The following SLCO3A1 variants were observed in gnomAD, a reference collection of about 807,000 sequenced individuals.
SLCO3A1 encodes solute carrier organic anion transporter family member 3A1.
In SLCO3A1, 27 loss-of-function variants were observed where a neutral mutation model predicts 63.1. That is an observed-to-expected ratio of 0.43 (90% CI 0.32 to 0.59). The LOEUF is 0.59. SLCO3A1 is among the 20% of genes least tolerant of loss of function. SLCO3A1 has a pLI of 0.09. For missense variants in SLCO3A1, 773 were observed against 945.8 expected (o/e 0.82, Z 2.40); for synonymous variants, 473 against 409.9 (o/e 1.15, Z -1.86).
intron 2 of SLCO3A1, among the ~76,000 whole-genome samples, chr15:91,988,802 A>G (rs2046088277): frequency 6.6e-6 from 1 of 152,220 alleles, no homozygotes; most frequent in South Asian, 2.1e-4. Context: ...TCATATATGC[A>G]CACAACAGCT....
chr15:92,027,284 T>C (rs2046586875), intron 2 of SLCO3A1, among the ~76,000 whole-genome samples: 1 of 152,260 alleles, frequency 6.6e-6, no homozygotes, highest in South Asian at 2.1e-4. Flanking sequence ...GTTCTTTTAA[T>C]ATCCTTGTGA....
At chr15:92,144,725 C>A (rs2048197705) in intron 7 of SLCO3A1, among the ~76,000 whole-genome samples, 1 of 152,232 alleles carries the variant, frequency 6.6e-6, no homozygotes, top group Non-Finnish European at 1.5e-5. Context: ...CCCGTCCTTG[C>A]AGGAAAGCGA....
chr15:91,977,770 A>G (rs1341884274), intron 2 of SLCO3A1, among the ~76,000 whole-genome samples: 2 of 152,236 alleles, frequency 1.3e-5, no homozygotes, highest in South Asian at 2.1e-4. Context: ...ATTTTGGACA[A>G]TAGCGTCCTA....
At position 92,026,681 on chromosome 15, in the gene SLCO3A1, A is replaced by G. The variant is rs4984340; in HGVS notation, c.647-68200A>G. The stretch of plus-strand genomic sequence containing the variant: ...AGCTATGCAGGACAAGGAAAGAGAC[A>G]TGTACAAAGGAGGTGGCCATGACCG... On this transcript the variant is annotated intron_variant, in intron 2 of 9. Transcript: ENST00000318445. 1.7e-3 allele frequency among the ~76,000 whole-genome samples: 257 copies of G among 152,370 alleles called. 1 individual carries two copies. The highest frequency in any genetic ancestry group is 3.0e-3 in the Non-Finnish European group (201 of 68,038).
chr15:92,011,179 C>G (rs1437962747), intron 2 of SLCO3A1, among the ~76,000 whole-genome samples: 1 of 152,164 alleles, frequency 6.6e-6, no homozygotes, highest in Non-Finnish European at 1.5e-5. Context: ...ATCCCATGAC[C>G]ATTGCATTTC....
chr15:92,104,594 G>C, intron 4 of SLCO3A1, 52 bp downstream of exon 4: 2 of 1,569,504 alleles, frequency 1.3e-6, no homozygotes, highest in Non-Finnish European at 1.7e-6. Context: ...GATTGGGATG[G>C]GGGTGATGAA....
In SLCO3A1 at chr15:92,033,262, A is replaced by G. The variant is rs968786068; in HGVS notation, c.647-61619A>G. 6.6e-6 allele frequency among the ~76,000 whole-genome samples: 1 copy of G among 152,204 alleles called. No homozygotes were observed. Among genetic ancestry groups the G allele is most frequent in the African/African-American group, 2.4e-5 (1 of 41,448 alleles). ...CAAGTTGAAGGAGATTTCTGAGCAT[A>G]TTGTTCCAGCACCTGCAAGTGTGGA... is the stretch of plus-strand genomic sequence containing the variant. On this transcript the variant is annotated intron_variant, in intron 2 of 9. Coordinates refer to ENST00000318445, the MANE Select transcript of SLCO3A1 (RefSeq NM_013272.4). The surrounding 1 kb of genome is among the most constrained non-coding windows in gnomAD (Gnocchi z 4.5).
chr15:92,134,322 AT>A (rs1219757981), intron 7 of SLCO3A1, among the ~76,000 whole-genome samples: 1 of 152,214 alleles, frequency 6.6e-6, no homozygotes, highest in African/African-American at 2.4e-5. Flanking sequence ...CTATTCTGAA[AT>A]CAAACCCTAC....
At chr15:92,005,909 G>C (rs977370142) in intron 2 of SLCO3A1, among the ~76,000 whole-genome samples, 1 of 152,122 alleles carries the variant, frequency 6.6e-6, no homozygotes, top group African/African-American at 2.4e-5. Flanking sequence ...GGGACTGAGC[G>C]AAAGCGTTTC....
rs2046675219 is a variant in SLCO3A1 at position 92,033,057 on chromosome 15, G to A, written c.647-61824G>A. ...GGTTTAGCACTTAGAGCATGGATCA[G>A]AGCAAGGTATGTACAGGAAACTTTG... On this transcript the variant is annotated intron_variant, in intron 2 of 9. Transcript: ENST00000318445. This position sits in a 1 kb window ranked among gnomAD's most constrained non-coding sequence, Gnocchi z 4.5. 2.6e-5 allele frequency among the ~76,000 whole-genome samples: 4 copies of A among 152,128 alleles called. No homozygotes were observed. Among genetic ancestry groups the A allele is most frequent in the Admixed American group, 2.6e-4 (4 of 15,274 alleles).
At chr15:91,901,849 C>A (rs888529128) in intron 1 of SLCO3A1, among the ~76,000 whole-genome samples, 15 of 152,034 alleles carry the variant, frequency 9.9e-5, no homozygotes, top group African/African-American at 3.6e-4. Context: ...GCTTGTTGGA[C>A]CTGTAGATTC....
intron 5 of SLCO3A1, among the ~76,000 whole-genome samples, chr15:92,121,559 G>A (rs1029411165): frequency 3.3e-5 from 5 of 152,168 alleles, no homozygotes; most frequent in African/African-American, 7.2e-5. Flanking sequence ...GTATTCAGCC[G>A]AGGGGTCAAG....
chr15:91,899,322 C>T (rs1205310065), intron 1 of SLCO3A1, among the ~76,000 whole-genome samples: 2 of 152,214 alleles, frequency 1.3e-5, no homozygotes, highest in Non-Finnish European at 2.9e-5. Flanking sequence ...CCCTTCACCT[C>T]TGTGCTTTGG....
At chr15:91,907,886 G>A (rs1167101820) in intron 1 of SLCO3A1, among the ~76,000 whole-genome samples, 1 of 152,166 alleles carries the variant, frequency 6.6e-6, no homozygotes, top group African/African-American at 2.4e-5. Context: ...GGTGATCAGA[G>A]AGAACGATAG....
intron 1 of SLCO3A1, among the ~76,000 whole-genome samples, chr15:91,910,123 TC>T (rs887899187): frequency 1.3e-5 from 2 of 152,182 alleles, no homozygotes; most frequent in Non-Finnish European, 2.9e-5. Flanking sequence ...TTCCTGCCTT[TC>T]CCCAGGGGTG....
chr15:92,117,576 G>A (rs1416148266), intron 4 of SLCO3A1, among the ~76,000 whole-genome samples: 1 of 152,076 alleles, frequency 6.6e-6, no homozygotes, highest in Non-Finnish European at 1.5e-5. Flanking sequence ...TAAACCACCG[G>A]GACATTCAAA....
At chr15:92,141,762 C>G (rs1167283060) in intron 7 of SLCO3A1, among the ~76,000 whole-genome samples, 2 of 152,186 alleles carry the variant, frequency 1.3e-5, no homozygotes. Flanking sequence ...GTGGAAGATC[C>G]CTCCTTAACA....
Position 92,162,515 on chromosome 15 carries a change from C to T in SLCO3A1, c.1754-241C>T, listed in dbSNP as rs180873741. The T allele has an allele frequency of 8.9e-5, 48 of 536,540 alleles. 1 individual carries two copies. Among genetic ancestry groups the T allele is most frequent in the East Asian group, 8.2e-4 (25 of 30,350 alleles). The allele number at this position is 536,540 out of a possible 1,614,324, so 33.2% of individuals were successfully genotyped here. ...GTGAAGACTGTAGTATTATCATCAT[C>T]CCCATTTTGCAGATGAGGAAACTAA... On this transcript the variant is annotated intron_variant, in intron 9 of 9. Coordinates refer to ENST00000318445, the MANE Select transcript of SLCO3A1 (RefSeq NM_013272.4).
At chr15:92,099,287 C>A (rs1475264987) in intron 3 of SLCO3A1, among the ~76,000 whole-genome samples, 5 of 152,226 alleles carry the variant, frequency 3.3e-5, no homozygotes, top group African/African-American at 9.6e-5. Flanking sequence ...GGCTAATTAG[C>A]CCAATGGCTG....
Sources: allele counts gnomAD v4.1 joint callset (sites outside exome capture counted in the v4.1 genomes callset), GRCh38; gene constraint gnomAD v4.1.1; non-coding constraint Gnocchi (gnomAD v3.1); transcripts MANE v1.5; gene names NCBI Gene and HGNC (gene_info 2026-07-23, HGNC 2026-07-21).